TMEM169: variants seen among roughly 807,000 people sequenced by gnomAD.
TMEM169 encodes transmembrane protein 169.
In TMEM169, 18 loss-of-function variants were observed where a neutral mutation model predicts 27.3. The ratio of observed to expected loss-of-function variants is 0.66; its 90% confidence interval spans 0.46 to 0.98. The LOEUF (loss-of-function observed/expected upper bound fraction) is 0.98, where lower values mean the gene tolerates loss of function less well. Among genes scored for constraint, TMEM169 ranks in the 50% least tolerant of loss-of-function variants. TMEM169 has a pLI of 0.00. For synonymous variants in TMEM169, 136 were observed against 142.1 expected, an observed-to-expected ratio of 0.96 and a Z score of 0.30; for missense variants, 320 against 368.6, an observed-to-expected ratio of 0.87 and a Z score of 1.08.
intron 2 of TMEM169, among the ~76,000 whole-genome samples, chr2:216,096,741 A>G (rs1447202203): frequency 6.6e-6 from 1 of 152,212 alleles, no homozygotes; most frequent in Non-Finnish European, 1.5e-5. Context: ...TGATACAGAA[A>G]TCTCCACCCT....
Position 216,095,866 on chromosome 2 carries a change from A to G in TMEM169, c.-98A>G. 1 of 1,408,214 alleles carries G rather than the reference A, an allele frequency of 7.1e-7. No homozygotes were observed. Among genetic ancestry groups the G allele is most frequent in the South Asian group, 1.4e-5 (1 of 71,550 alleles). The allele number at this position is 1,408,214 out of a possible 1,614,324, so 87.2% of individuals were successfully genotyped here. ...GAATGCATCCTTGGGACATCTTTGC[A>G]TAGCCCCATCTAGGAAGAAGTTCTG... On this transcript the variant is annotated 5_prime_UTR_variant, in exon 2 of 3. Transcript: ENST00000437356.
At chr2:216,094,774 G>GAA (rs959078579) in intron 1 of TMEM169, among the ~76,000 whole-genome samples, 1 of 150,788 alleles carries the variant, frequency 6.6e-6, no homozygotes, top group South Asian at 2.1e-4. Context: ...AAGTTACCAG[G>GAA]AAAAAAAAAT....
chr2:216,082,041 C>CAA (rs386392588), intron 1 of TMEM169, 62 bp downstream of exon 1: 68,539 of 247,532 alleles, frequency 0.28, 10,567 homozygotes, highest in East Asian at 0.5. Context: ...AAGGGAAATG[C>CAA]AAAAAAAAAA....
chr2:216,082,200 C>G (rs1246202030), intron 1 of TMEM169: 2 of 165,418 alleles, frequency 1.2e-5, no homozygotes, highest in African/African-American at 2.4e-5. Flanking sequence ...GCCCGCCTGC[C>G]GGGGTCGGAC....
chr2:216,091,556 C>CAAAAA (rs35975278), intron 1 of TMEM169, among the ~76,000 whole-genome samples: 12 of 80,322 alleles, frequency 1.5e-4, no homozygotes, highest in Non-Finnish European at 2.4e-4. Flanking sequence ...GACTCCATCT[C>CAAAAA]AAAAAAAAAA....
chr2:216,099,343 G>T lies in TMEM169; in HGVS notation c.272-577G>T, dbSNP rs1696334424. ...GTATGTGGTACGTGATTGGGAGGTG[G>T]CATGTGTATGTGTGTGTATGGTGTG... On this transcript the variant is annotated intron_variant, in intron 2 of 2. Transcript: ENST00000437356. The surrounding 1 kb of genome is among the most constrained non-coding windows in gnomAD (Gnocchi z 5.0). 6.6e-6 allele frequency among the ~76,000 whole-genome samples: 1 copy of T among 150,976 alleles called. No homozygotes were observed. Among genetic ancestry groups the T allele is most frequent in the African/African-American group, 2.4e-5 (1 of 41,008 alleles).
chr2:216,092,620 TG>T (rs1696159196), intron 1 of TMEM169, among the ~76,000 whole-genome samples: 1 of 152,216 alleles, frequency 6.6e-6, no homozygotes, highest in Non-Finnish European at 1.5e-5. Context: ...TTAACATTTC[TG>T]TCTCCCTTCT....
intron 1 of TMEM169, among the ~76,000 whole-genome samples, chr2:216,086,681 G>A (rs1313415671): frequency 1.3e-5 from 2 of 152,168 alleles, no homozygotes; most frequent in East Asian, 3.8e-4. Context: ...AAGTCAACAA[G>A]TACATACTGA....
intron 1 of TMEM169, among the ~76,000 whole-genome samples, chr2:216,094,056 A>C (rs1696203351): frequency 6.6e-6 from 1 of 152,202 alleles, no homozygotes; most frequent in Non-Finnish European, 1.5e-5. Context: ...AGGGATGGCA[A>C]ATGGTGTACA....
At chr2:216,098,041 A>G (rs924390942) in intron 2 of TMEM169, among the ~76,000 whole-genome samples, 1 of 151,708 alleles carries the variant, frequency 6.6e-6, no homozygotes, top group African/African-American at 2.4e-5. Context: ...AGTGTAGGAG[A>G]TAAGAGGGAG....
At position 216,100,498 on chromosome 2, in the gene TMEM169, T is replaced by C. The variant is rs1247412978; in HGVS notation, c.850T>C (p.Ser284Pro). The C allele has an allele frequency of 6.2e-7, 1 of 1,614,058 alleles. No homozygotes were observed. ...LESDNISSTL[S>P]NKDPIQEVET... ...ATCCGACAATATCTCAAGCACTCTC[T>C]CCAACAAGGACCCCATCCAAGAAGT... is the stretch of plus-strand genomic sequence containing the variant. The change falls in exon 3 of 3, where the codon TCC (serine) becomes CCC (proline). Residue 284 changes from serine (S) to proline (P), a missense_variant. Coordinates refer to ENST00000437356, the MANE Select transcript of TMEM169 (RefSeq NM_001142311.2).
chr2:216,082,068 ACAAG>A (rs1695873269), intron 1 of TMEM169, 89 bp downstream of exon 1: 1 of 311,460 alleles, frequency 3.2e-6, no homozygotes, highest in Non-Finnish European at 6.0e-6. Flanking sequence ...GAAGAAAGAA[ACAAG>A]CAGGGTGTGC....
chr2:216,083,884 CAAAA>C (rs1337779607), intron 1 of TMEM169, among the ~76,000 whole-genome samples: 1 of 152,184 alleles, frequency 6.6e-6, no homozygotes, highest in Non-Finnish European at 1.5e-5. Context: ...AGTTCCAGGC[CAAAA>C]GGCCTGGAAG....
rs148862207 is a variant in TMEM169, at chr2:216,100,077, G to T, written c.429G>T (p.Thr143=). 6.2e-7 allele frequency: 1 copy of T among 1,614,142 alleles called. No individual in the cohort carries two copies. Among genetic ancestry groups the T allele is most frequent in the Non-Finnish European group, 8.5e-7 (1 of 1,180,024 alleles). Residue 143 remains threonine (T), a synonymous_variant, in exon 3 of 3, where the codon ACG becomes ACT. Transcript: ENST00000437356. ...TKPKESSRET[T]PEGRMACQMG... ...CTAAAGAGTCATCAAGGGAAACGAC[G>T]CCTGAAGGAAGAATGGCCTGCCAGA...
chr2:216,100,279 G>C lies in TMEM169; in HGVS notation c.631G>C (p.Val211Leu), dbSNP rs75335764. 1.6e-5 allele frequency: 26 copies of C among 1,613,458 alleles called. No individual in the cohort carries two copies. The highest frequency in any genetic ancestry group is 2.1e-5 in the Non-Finnish European group (25 of 1,179,918). The change falls in exon 3 of 3, where the codon GTT becomes CTT. Residue 211 changes from valine (V) to leucine (L), a missense_variant. Val to Leu is a conservative substitution (Grantham distance 32). Coordinates refer to ENST00000437356, the MANE Select transcript of TMEM169 (RefSeq NM_001142311.2). ...CAAGATCTCGTATTGCCCTTGCCTC[G>C]TTCTCTTCTATCCAGTGCTCATCAT... ...WHKISYCPCL[V>L]LFYPVLIMAM...
chr2:216,093,125 A>AGTGTGTGTGTGTGTGTGTGTGT (rs60241289), intron 1 of TMEM169, among the ~76,000 whole-genome samples: 6 of 145,912 alleles, frequency 4.1e-5, no homozygotes, highest in Admixed American at 1.4e-4. Flanking sequence ...GTAATAATGA[A>AGTGTGTGTGTGTGTGTGTGTGT]GTGTGTGTGT....
intron 1 of TMEM169, among the ~76,000 whole-genome samples, chr2:216,093,986 C>T (rs1434541146): frequency 1.3e-5 from 2 of 152,144 alleles, no homozygotes; most frequent in African/African-American, 4.8e-5. Context: ...TGGGCCAGAA[C>T]ACTAGACATT....
rs181530978 is a variant in TMEM169 at position 216,101,912 on chromosome 2, A to C, written c.*1370A>C. 6.6e-5 allele frequency: 10 copies of C among 152,282 alleles called. No homozygotes were observed. The highest frequency in any genetic ancestry group is 1.2e-4 in the Non-Finnish European group (8 of 68,018). 9.4% of individuals were successfully genotyped at this position (152,282 alleles called of 1,614,324 possible). A position where few individuals can be genotyped will look rare whatever the true frequency, so the allele number is the denominator to read the frequency against. On this transcript the variant is annotated 3_prime_UTR_variant, in exon 3 of 3. Coordinates refer to ENST00000437356, the MANE Select transcript of TMEM169 (RefSeq NM_001142311.2). ...ATTTATTTATTTAGGCCTGAATCTTACACAGAGAATTTATATATAGATATT... is the reference window on the plus strand; with the variant it reads ...ATTTATTTATTTAGGCCTGAATCTTCCACAGAGAATTTATATATAGATATT...
intron 1 of TMEM169, among the ~76,000 whole-genome samples, chr2:216,095,109 CTT>C (rs71047975): frequency 1.7e-4 from 19 of 110,414 alleles, no homozygotes; most frequent in Admixed American, 2.2e-4. Context: ...TTTTTTCTTT[CTT>C]TTTTTTTTTT....
Sources: allele counts gnomAD v4.1 joint callset (sites outside exome capture counted in the v4.1 genomes callset), GRCh38; gene constraint gnomAD v4.1.1; non-coding constraint Gnocchi (gnomAD v3.1); transcripts MANE v1.5; gene names NCBI Gene and HGNC (gene_info 2026-07-23, HGNC 2026-07-21).